Variants in PRMT8 observed in about 807,000 individuals in gnomAD.
PRMT8 encodes the protein protein arginine N-methyltransferase 8.
Under a neutral mutation model 47.1 loss-of-function variants are expected in PRMT8, and 7 were observed. The ratio of observed to expected loss-of-function variants is 0.15; its 90% CI spans 0.08 to 0.28. PRMT8 has a LOEUF of 0.28. Ranked by LOEUF, PRMT8 falls within the 10% of genes least tolerant of loss-of-function variation. The pLI is 1.00. For synonymous variants in PRMT8, 188 were observed against 186.5 expected (o/e 1.01, Z -0.07); for missense variants, 237 against 505.4 (o/e 0.47, Z 5.09).
rs1867030294 is a variant in PRMT8 at position 3,580,190 on chromosome 12, A to ATCAGAGG, written c.829-2867_829-2861dup. Reference sequence around the variant, plus strand: ...TTTTGGTCCTAAAGGCTTTTGTTCTATCAGAGGCCTCTATTAAGATGCAAA... The same window carrying ATCAGAGG: ...TTTTGGTCCTAAAGGCTTTTGTTCTATCAGAGGTCAGAGGCCTCTATTAAGATGCAAA... On this transcript the variant is annotated intron_variant, in intron 7 of 9. Coordinates refer to ENST00000382622, the MANE Select transcript of PRMT8 (RefSeq NM_019854.5). This position sits in a 1 kb window ranked among gnomAD's most constrained non-coding sequence, Gnocchi z 4.6. Among the ~76,000 whole-genome samples, 1 of 152,178 alleles carries ATCAGAGG rather than the reference A, an allele frequency of 6.6e-6. No homozygotes were observed. Among genetic ancestry groups the ATCAGAGG allele is most frequent in the South Asian group, 2.1e-4 (1 of 4,822 alleles).
rs535762848 is a variant in PRMT8, at chr12:3,475,631, G to A, written c.49-64975G>A. 2.8e-4 allele frequency among the ~76,000 whole-genome samples: 42 copies of A among 152,272 alleles called. 1 individual carries two copies. In the South Asian group the frequency reaches 2.9e-3, roughly 11 times the overall value. On this transcript the variant is annotated intron_variant, in intron 1 of 9. Transcript: ENST00000452611. ...GTTGTTAGACATCACTGGGGTATTC[G>A]CCACTTTTGGTCTGTAACAGAAGTG...
intron 1 of PRMT8, among the ~76,000 whole-genome samples, chr12:3,443,095 G>A (rs1864820574): frequency 6.6e-6 from 1 of 152,180 alleles, no homozygotes; most frequent in African/African-American, 2.4e-5. Flanking sequence ...ACACCTATGT[G>A]TTTGTGGGAT....
intron 1 of PRMT8, among the ~76,000 whole-genome samples, chr12:3,511,657 C>T (rs542496157): frequency 5.9e-5 from 9 of 152,306 alleles, no homozygotes; most frequent in African/African-American, 2.2e-4. Flanking sequence ...GTGGCAGCCC[C>T]AGTTTTTCGG....
chr12:3,572,293 G>A lies in PRMT8; in HGVS notation c.712+2729G>A, dbSNP rs549251754. 1.3e-5 allele frequency among the ~76,000 whole-genome samples: 2 copies of A among 152,330 alleles called. No individual in the cohort carries two copies. Among genetic ancestry groups the A allele is most frequent in the South Asian group, 2.1e-4 (1 of 4,826 alleles). ...GAACCAGCAGAGGGATGTGCAAGGT[G>A]TAGTATTTAACTCTTAGAGAGGAGC... On this transcript the variant is annotated intron_variant, in intron 6 of 9. Coordinates refer to ENST00000382622, the MANE Select transcript of PRMT8 (RefSeq NM_019854.5). This position sits in a 1 kb window ranked among gnomAD's most constrained non-coding sequence, Gnocchi z 5.9.
At chr12:3,483,793 A>G (rs1401461552) in intron 1 of PRMT8, among the ~76,000 whole-genome samples, 1 of 152,240 alleles carries the variant, frequency 6.6e-6, no homozygotes, top group Non-Finnish European at 1.5e-5. Context: ...TTTTTCAATA[A>G]TCTGCGATTT....
intron 1 of PRMT8, among the ~76,000 whole-genome samples, chr12:3,388,390 C>T (rs1054513799): frequency 5.9e-5 from 9 of 152,166 alleles, no homozygotes; most frequent in African/African-American, 2.2e-4. Context: ...TCCCATCACT[C>T]ACGATGCTAT....
intron 7 of PRMT8, among the ~76,000 whole-genome samples, chr12:3,582,453 C>T (rs959632977): frequency 6.6e-6 from 1 of 152,206 alleles, no homozygotes; most frequent in African/African-American, 2.4e-5. Context: ...CTGTCTGTGA[C>T]TTTGTGGGCT....
rs1270587466 is a variant in PRMT8, at chr12:3,493,942, T to C, written c.75+2242T>C. ...CTGGAGAAGGGGTAGAACCCAGACT[T>C]GGTCAAACGTGCCTAGCGGAGGCAT... On this transcript the variant is annotated intron_variant, in intron 1 of 9. Transcript: ENST00000382622. The surrounding 1 kb of genome is among the most constrained non-coding windows in gnomAD (Gnocchi z 8.2). Among the ~76,000 whole-genome samples the C allele has an allele frequency of 2.0e-5, 3 of 152,196 alleles. No homozygotes were observed. Among genetic ancestry groups the C allele is most frequent in the Admixed American group, 2.0e-4 (3 of 15,282 alleles).
chr12:3,559,753 C>T (rs1442845489), intron 4 of PRMT8, among the ~76,000 whole-genome samples: 1 of 152,234 alleles, frequency 6.6e-6, no homozygotes, highest in Non-Finnish European at 1.5e-5. Flanking sequence ...ATCTGACACC[C>T]TTGCTGGGCA....
chr12:3,400,215 T>C (rs934213339), intron 1 of PRMT8, among the ~76,000 whole-genome samples: 3 of 151,358 alleles, frequency 2.0e-5, no homozygotes, highest in African/African-American at 7.3e-5. Flanking sequence ...AATCAACAAA[T>C]CCAAGAGCTC....
At chr12:3,417,815 C>T (rs1433136227) in intron 1 of PRMT8, among the ~76,000 whole-genome samples, 1 of 152,188 alleles carries the variant, frequency 6.6e-6, no homozygotes, top group East Asian at 1.9e-4. Context: ...ACAAAAATCC[C>T]ATGCACTCAA....
chr12:3,537,256 G>A (rs1866135084), intron 1 of PRMT8, among the ~76,000 whole-genome samples: 1 of 152,174 alleles, frequency 6.6e-6, no homozygotes, highest in South Asian at 2.1e-4. Flanking sequence ...GAATTTACCT[G>A]ATTTCTAATG....
At chr12:3,454,414 G>A (rs1056047383) in intron 1 of PRMT8, among the ~76,000 whole-genome samples, 1 of 152,148 alleles carries the variant, frequency 6.6e-6, no homozygotes. Flanking sequence ...GAATATTTAA[G>A]GTTTGAATCA....
At chr12:3,528,041 A>G (rs878891166) in intron 1 of PRMT8, among the ~76,000 whole-genome samples, 1 of 152,044 alleles carries the variant, frequency 6.6e-6, no homozygotes, top group Admixed American at 6.6e-5. Flanking sequence ...CCTTTGTAAT[A>G]TATCTCCCCA....
chr12:3,404,597 T>G (rs1864354486), intron 1 of PRMT8, among the ~76,000 whole-genome samples: 1 of 152,234 alleles, frequency 6.6e-6, no homozygotes, highest in Non-Finnish European at 1.5e-5. Context: ...TAACATCAAT[T>G]TGCCTGTTTT....
intron 1 of PRMT8, among the ~76,000 whole-genome samples, chr12:3,447,728 C>G (rs749870741): frequency 1.2e-4 from 18 of 152,222 alleles, no homozygotes; most frequent in Non-Finnish European, 2.4e-4. Context: ...TGAGGAATTT[C>G]AGTCATGATT....
intron 1 of PRMT8, among the ~76,000 whole-genome samples, chr12:3,408,151 TTC>T (rs1313399552): frequency 1.3e-5 from 2 of 150,802 alleles, no homozygotes; most frequent in South Asian, 2.1e-4. Context: ...CTCCCTCTCT[TTC>T]TCTTTCTTTC....
intron 1 of PRMT8, among the ~76,000 whole-genome samples, chr12:3,515,721 C>A (rs1419446990): frequency 6.6e-6 from 1 of 152,204 alleles, no homozygotes; most frequent in Non-Finnish European, 1.5e-5. Flanking sequence ...ACGGTCTCTG[C>A]ACTCTGAGCC....
chr12:3,551,575 A>G lies in PRMT8; in HGVS notation c.417+1484A>G, dbSNP rs538941351. Reference sequence around the variant, plus strand: ...CCTGAGTCATCCGGGGGCTCCAGCCAAGGAGCTGTCAGGAGGAGGCTCCCA... The same window carrying G: ...CCTGAGTCATCCGGGGGCTCCAGCCGAGGAGCTGTCAGGAGGAGGCTCCCA... On this transcript the variant is annotated intron_variant, in intron 3 of 9. Transcript: ENST00000382622. 4 of 152,414 alleles carry G rather than the reference A, an allele frequency of 2.6e-5. No individual in the cohort carries two copies. The East Asian group carries it at 7.7e-4, about 29-fold the overall frequency. The allele number at this position is 152,414 out of a possible 1,614,324, so 9.4% of individuals were successfully genotyped here. A position where few individuals can be genotyped will look rare whatever the true frequency, so the allele number is the denominator to read the frequency against.
Sources: gnomAD v4.1 joint callset for allele counts (sites outside exome capture counted in the v4.1 genomes callset) on GRCh38, gnomAD v4.1.1 for gene constraint, Gnocchi (gnomAD v3.1) non-coding constraint, MANE v1.5 for transcripts, NCBI Gene and HGNC (gene_info 2026-07-23, HGNC 2026-07-21) for gene names.